CAPN7: variants seen among roughly 807,000 people sequenced by gnomAD.
CAPN7 encodes the protein calpain 7, also known as calpain-7.
In CAPN7, 72 loss-of-function variants were observed where a neutral mutation model predicts 115.2. The observed-to-expected ratio is 0.63, with a 90% CI of 0.52 to 0.76. CAPN7 has a LOEUF of 0.76. Ranked by LOEUF, CAPN7 falls within the 30% of genes least tolerant of loss-of-function variation. CAPN7 has a pLI of 0.00. For missense variants in CAPN7, 905 were observed against 971.5 expected (o/e 0.93, Z 0.91); for synonymous variants, 344 against 322.3 (o/e 1.07, Z -0.72).
intron 19 of CAPN7, among the ~76,000 whole-genome samples, chr3:15,248,153 T>C (rs1340913161): frequency 6.6e-6 from 1 of 151,910 alleles, no homozygotes; most frequent in Non-Finnish European, 1.5e-5. Context: ...TGTGCACATG[T>C]ACCCTAAAAC....
intron 16 of CAPN7, among the ~76,000 whole-genome samples, chr3:15,242,822 G>T (rs1695429548): frequency 6.6e-6 from 1 of 152,160 alleles, no homozygotes; most frequent in Non-Finnish European, 1.5e-5. Flanking sequence ...GGGCACCTGA[G>T]ATATTTAACA....
chr3:15,231,939 T>C (rs1302137612), intron 9 of CAPN7, among the ~76,000 whole-genome samples: 1 of 152,218 alleles, frequency 6.6e-6, no homozygotes, highest in African/African-American at 2.4e-5. Flanking sequence ...TGAGTCTTTT[T>C]ATAGGTTTAG....
intron 9 of CAPN7, chr3:15,232,147 C>A: frequency 2.5e-6 from 1 of 400,576 alleles, no homozygotes. Flanking sequence ...TCTGAAAATC[C>A]AAAACACTCC....
intron 19 of CAPN7, among the ~76,000 whole-genome samples, chr3:15,247,867 C>G (rs1410064411): frequency 6.6e-6 from 1 of 152,148 alleles, no homozygotes; most frequent in South Asian, 2.1e-4. Flanking sequence ...ACATTCATGT[C>G]CTTTGTAGGG....
chr3:15,212,213 G>A lies in CAPN7; in HGVS notation c.211+1G>A. 5.2e-6 allele frequency: 8 copies of A among 1,530,884 alleles called. No homozygotes were observed. The highest frequency in any genetic ancestry group is 7.2e-6 in the Non-Finnish European group (8 of 1,113,440). The allele number at this position is 1,530,884 out of a possible 1,614,324, so 94.8% of individuals were successfully genotyped here. A position where few individuals can be genotyped will look rare whatever the true frequency, so the allele number is the denominator to read the frequency against. On this transcript the variant is annotated splice_donor_variant, in intron 2 of 20. Coordinates refer to ENST00000253693, the MANE Select transcript of CAPN7 (RefSeq NM_014296.3). LOFTEE classifies it high-confidence loss of function. ...AGAGTTCAAGCTCTACATTCAGCAG[G>A]TTAGTAAAGGACTACTAAACTTGTC... is the stretch of plus-strand genomic sequence containing the variant.
chr3:15,222,181 T>C (rs1364234498), intron 5 of CAPN7, among the ~76,000 whole-genome samples: 1 of 152,064 alleles, frequency 6.6e-6, no homozygotes, highest in East Asian at 1.9e-4. Flanking sequence ...GCGGGGGTTA[T>C]AGCGTGTCTG....
intron 2 of CAPN7, among the ~76,000 whole-genome samples, 180 bp from the exon 3 acceptor site, chr3:15,217,245 C>CT (rs1173217369): frequency 7.1e-6 from 1 of 141,044 alleles, no homozygotes; most frequent in Non-Finnish European, 1.5e-5. Flanking sequence ...AAGAGCCTGT[C>CT]TAAAAAAAAA....
chr3:15,227,872 AC>A lies in CAPN7; in HGVS notation c.760del (p.Gln254LysfsTer20). 1 of 1,551,176 alleles carries A rather than the reference AC, an allele frequency of 6.4e-7. No homozygotes were observed. Among genetic ancestry groups the A allele is most frequent in the Non-Finnish European group, 8.7e-7 (1 of 1,146,404 alleles). On this transcript the variant is annotated frameshift_variant, in exon 7 of 21. Coordinates refer to ENST00000253693, the MANE Select transcript of CAPN7 (RefSeq NM_014296.3). LOFTEE classifies it high-confidence loss of function. Reference sequence around the variant, plus strand: ...GGGGCAAGCTACCATTATCACCTAAACAAAAAACTACATTTTCCAAGTGGGT... The same window carrying A: ...GGGGCAAGCTACCATTATCACCTAAAAAAAAACTACATTTTCCAAGTGGGT... ...RWGKLPLSPK[Q>X]KTTFSKWVRP...
chr3:15,240,682 A>G (rs2124993441), intron 13 of CAPN7, 65 bp downstream of exon 13: 1 of 1,550,444 alleles, frequency 6.4e-7, no homozygotes, highest in African/African-American at 1.4e-5. Context: ...TTAACAAGAC[A>G]AAACATGTGT....
intron 19 of CAPN7, among the ~76,000 whole-genome samples, chr3:15,249,033 G>C (rs377274117): frequency 5.2e-5 from 6 of 114,618 alleles, no homozygotes; most frequent in Admixed American, 1.7e-4. Context: ...AACAAAAACA[G>C]AATACAAATA....
Position 15,250,984 on chromosome 3 carries a change from G to A in CAPN7, c.2258G>A (p.Gly753Asp). ...ACAGTTTCTACTCTAGGAGATCCTG[G>A]TCCCCATGGCTTTCTGAGGAAATCT... The part of the protein sequence containing the change: ...VVTVSTLGDP[G>D]PHGFLRKSSG... Residue 753 changes from glycine (G) to aspartate (D), a missense_variant, in exon 20 of 21, where the codon GGT becomes GAT. Gly to Asp is a moderately conservative substitution (Grantham distance 94). This residue lies in a region of CAPN7 where 620 missense variants were observed against 703.4 expected (regional missense o/e 0.88). Transcript: ENST00000253693. 6.2e-7 allele frequency: 1 copy of A among 1,613,668 alleles called. No individual in the cohort carries two copies. The highest frequency in any genetic ancestry group is 2.2e-5 in the East Asian group (1 of 44,838).
chr3:15,239,362 T>C (rs1695204448), intron 12 of CAPN7, among the ~76,000 whole-genome samples: 1 of 152,202 alleles, frequency 6.6e-6, no homozygotes, highest in Non-Finnish European at 1.5e-5. Context: ...GTAAGACAAA[T>C]ATTATTTTGG....
chr3:15,222,550 T>C (rs573852751), intron 5 of CAPN7, among the ~76,000 whole-genome samples: 1 of 152,326 alleles, frequency 6.6e-6, no homozygotes, highest in Non-Finnish European at 1.5e-5. Context: ...ATTGTACTCC[T>C]GCTAATCTGG....
At chr3:15,244,708 TG>T (rs1695554177) in intron 16 of CAPN7, among the ~76,000 whole-genome samples, 2 of 152,340 alleles carry the variant, frequency 1.3e-5, no homozygotes, top group Non-Finnish European at 2.9e-5. Context: ...GCTTGACTGA[TG>T]GGACTATCAA....
chr3:15,221,967 T>C (rs868353898), intron 5 of CAPN7, among the ~76,000 whole-genome samples: 12 of 151,524 alleles, frequency 7.9e-5, no homozygotes, highest in African/African-American at 2.7e-4. Context: ...AAAAAAAATA[T>C]GTGTGTATAC....
chr3:15,211,117 C>G (rs753020375), intron 1 of CAPN7, among the ~76,000 whole-genome samples: 4 of 152,116 alleles, frequency 2.6e-5, no homozygotes, highest in Non-Finnish European at 4.4e-5. Context: ...CAACTAAAAT[C>G]TGCTTTAAAA....
intron 4 of CAPN7, among the ~76,000 whole-genome samples, chr3:15,220,194 C>T (rs1326439662): frequency 2.6e-5 from 4 of 150,998 alleles, no homozygotes; most frequent in Admixed American, 1.3e-4. Context: ...AGTGAAACGC[C>T]GTCTCAAAAA....
intron 1 of CAPN7, among the ~76,000 whole-genome samples, chr3:15,211,206 C>T (rs1424222231): frequency 6.6e-6 from 1 of 152,098 alleles, no homozygotes; most frequent in African/African-American, 2.4e-5. Context: ...GTGTAATCTC[C>T]TGTAATCTTT....
chr3:15,217,386 A>G (rs372694688), intron 2 of CAPN7, 39 bp from the exon 3 acceptor site: 8 of 1,484,862 alleles, frequency 5.4e-6, no homozygotes, highest in Middle Eastern at 1.9e-4. Context: ...GGCTGTATTT[A>G]GATAATACTC....
Sources: allele counts gnomAD v4.1 joint callset (sites outside exome capture counted in the v4.1 genomes callset), GRCh38; gene constraint gnomAD v4.1.1; regional missense constraint gnomAD v4.1.1; transcripts MANE v1.5; gene names NCBI Gene and HGNC (gene_info 2026-07-23, HGNC 2026-07-21).